Variants in STAG2 observed in about 807,000 individuals in gnomAD.
The protein encoded by STAG2 is cohesin subunit SA-2.
STAG2 carries 14 observed loss-of-function variants against 108.1 expected under a neutral mutation model. That is an observed-to-expected ratio of 0.13 (90% CI 0.09 to 0.20). STAG2 has a LOEUF of 0.20. STAG2 is among the 10% of genes least tolerant of loss of function. The pLI is 1.00. For missense variants in STAG2, 440 were observed against 940.9 expected, an observed-to-expected ratio of 0.47 and a Z score of 6.96; for synonymous variants, 307 against 302.7, an observed-to-expected ratio of 1.01 and a Z score of -0.15.
At chrX:124,077,842 A>G (rs1199823497) in intron 26 of STAG2, 115 bp from the exon 27 acceptor site, 12 of 405,292 alleles carry the variant, frequency 3.0e-5, no homozygotes, top group Non-Finnish European at 5.0e-5. Flanking sequence ...CTTTGAAGGC[A>G]TAATTTTGGC....
intron 1 of STAG2, among the ~76,000 whole-genome samples, chrX:123,986,113 GTATC>G (rs1400079946): frequency 6.7e-5 from 7 of 104,165 alleles, no homozygotes; most frequent in Non-Finnish European, 1.9e-5. Flanking sequence ...ATATATGCAT[GTATC>G]TATATATACA....
chrX:123,963,869 T>C (rs2053979351), intron 1 of STAG2, among the ~76,000 whole-genome samples: 1 of 111,992 alleles, frequency 8.9e-6, no homozygotes, highest in Non-Finnish European at 1.9e-5. Flanking sequence ...GGATTTTGAC[T>C]TAACATGCTA....
rs1011440154 is a variant in STAG2 at position 124,010,399 on chromosome X, C to T, written c.-162-10968C>T. On this transcript the variant is annotated intron_variant, in intron 1 of 34. Coordinates refer to ENST00000371145, the MANE Select transcript of STAG2 (RefSeq NM_001042750.2). ...TGGTATTTGTCTTTTTTGTGACTAGCTTATTTCAGTTAGCATAATGCCCTT... is the reference window on the plus strand; with the variant it reads ...TGGTATTTGTCTTTTTTGTGACTAGTTTATTTCAGTTAGCATAATGCCCTT... 1.1e-4 allele frequency among the ~76,000 whole-genome samples: 12 copies of T among 111,694 alleles called. No individual in the cohort carries two copies. The South Asian group carries it at 1.5e-3, about 14-fold the overall frequency.
intron 19 of STAG2, among the ~76,000 whole-genome samples, 188 bp from the exon 20 acceptor site, chrX:124,063,660 A>T (rs911207298): frequency 1.3e-4 from 14 of 111,830 alleles, no homozygotes; most frequent in Non-Finnish European, 2.6e-4. Flanking sequence ...TCTCCCTTAA[A>T]GTTGAGGAAA....
Position 124,000,930 on chromosome X carries a change from A to T in STAG2, c.-162-20437A>T, listed in dbSNP as rs1263952699. 4.5e-5 allele frequency among the ~76,000 whole-genome samples: 5 copies of T among 111,906 alleles called. No individual in the cohort carries two copies. In the East Asian group the frequency reaches 1.4e-3, roughly 31 times the overall value. ...TGAAAACAAAACAAATAAAAATTTT[A>T]AAAATAGAAAACTTACAGAATAAGA... On this transcript the variant is annotated intron_variant, in intron 1 of 34. Transcript: ENST00000371145.
In STAG2 at chrX:124,072,450, C is replaced by G. The variant is rs746245750; in HGVS notation, c.2533+1127C>G. ...TTAACCTCAACACAAATGAGAAACC[C>G]AGAGTAGCCAAAACAGTTGTCAGAA... On this transcript the variant is annotated intron_variant, in intron 25 of 34. Coordinates refer to ENST00000371145, the MANE Select transcript of STAG2 (RefSeq NM_001042750.2). Among the ~76,000 whole-genome samples the G allele has an allele frequency of 2.0e-4, 22 of 111,342 alleles. No individual in the cohort carries two copies. In the South Asian group the frequency reaches 8.3e-3, roughly 42 times the overall value.
chrX:124,099,979 G>A (rs991041021), intron 34 of STAG2, among the ~76,000 whole-genome samples: 2 of 111,494 alleles, frequency 1.8e-5, no homozygotes, highest in Non-Finnish European at 3.8e-5. Context: ...AAGCATCAAT[G>A]TAAGTCATTT....
At chrX:124,051,096 C>T (rs2058024316) in intron 11 of STAG2, 25 bp from the exon 12 acceptor site, 2 of 762,342 alleles carry the variant, frequency 2.6e-6, no homozygotes, top group East Asian at 3.4e-5. Context: ...TGCATTGTCT[C>T]ATCTTTTTTT....
chrX:123,965,419 A>G (rs1345928448), intron 1 of STAG2, among the ~76,000 whole-genome samples: 1 of 111,712 alleles, frequency 9.0e-6, no homozygotes, highest in African/African-American at 3.3e-5. Context: ...TTCTTTTTCA[A>G]CTGTATTGAC....
rs140238058 is a variant in STAG2 at position 124,037,573 on chromosome X, T to C, written c.335T>C (p.Ile112Thr). The C allele has an allele frequency of 3.7e-5, 44 of 1,189,707 alleles. No individual in the cohort carries two copies. Among genetic ancestry groups the C allele is most frequent in the East Asian group, 3.1e-5 (1 of 32,672 alleles). Residue 112 changes from isoleucine (I) to threonine (T), a missense_variant, in exon 6 of 35, where the codon ATA becomes ACA. Ile to Thr is a moderately conservative substitution (Grantham distance 89). This residue lies in a region of STAG2 where 69 missense variants were observed against 254.9 expected (regional missense o/e 0.27). Coordinates refer to ENST00000371145, the MANE Select transcript of STAG2 (RefSeq NM_001042750.2). ...GAATCATACAAGCATGACCGAGATA[T>C]AGCACTTCTTGACCTTATCAACTTT... ...WIESYKHDRD[I>T]ALLDLINFFI...
At chrX:123,971,747 G>T (rs1416541495) in intron 1 of STAG2, among the ~76,000 whole-genome samples, 1 of 111,522 alleles carries the variant, frequency 9.0e-6, no homozygotes, top group Non-Finnish European at 1.9e-5. Context: ...TATTATTCAG[G>T]TTCCCTTTAC....
intron 1 of STAG2, among the ~76,000 whole-genome samples, chrX:124,013,870 A>G (rs2056610069): frequency 2.7e-5 from 3 of 111,372 alleles, no homozygotes; most frequent in Non-Finnish European, 5.7e-5. Flanking sequence ...ACTGAGCACA[A>G]GTTGGCTCTG....
intron 6 of STAG2, among the ~76,000 whole-genome samples, chrX:124,042,244 T>C (rs752370149): frequency 2.9e-4 from 32 of 110,979 alleles, no homozygotes; most frequent in Non-Finnish European, 5.7e-4. Context: ...TAACATATGG[T>C]TTATGTTAAA....
At chrX:124,050,343 A>G in intron 11 of STAG2, 34 bp downstream of exon 11, 1 of 1,174,213 alleles carries the variant, frequency 8.5e-7, no homozygotes, top group Non-Finnish European at 1.1e-6. Flanking sequence ...TTCTTTCTAC[A>G]CATCGGCGTG....
At chrX:124,061,533 G>A (rs190871060) in intron 16 of STAG2, among the ~76,000 whole-genome samples, 192 bp downstream of exon 16, 1 of 110,670 alleles carries the variant, frequency 9.0e-6, no homozygotes, top group East Asian at 2.8e-4. Flanking sequence ...TTATTTTTTT[G>A]TATCTGGGTT....
intron 1 of STAG2, among the ~76,000 whole-genome samples, chrX:124,007,865 C>A (rs2147891077): frequency 8.9e-6 from 1 of 112,175 alleles, no homozygotes; most frequent in Admixed American, 9.5e-5. Flanking sequence ...GCTACACTGA[C>A]TTCCACATTA....
intron 15 of STAG2, among the ~76,000 whole-genome samples, chrX:124,060,201 T>C (rs2058340010): frequency 9.0e-6 from 1 of 111,126 alleles, no homozygotes; most frequent in Non-Finnish European, 1.9e-5. Context: ...TGATCTCGGC[T>C]CACTGCCAAT....
intron 24 of STAG2, among the ~76,000 whole-genome samples, chrX:124,069,295 G>A (rs2058611144): frequency 8.9e-6 from 1 of 112,002 alleles, no homozygotes; most frequent in African/African-American, 3.2e-5. Context: ...GCTTTTATGG[G>A]AAGATGTTTT....
At chrX:123,970,678 A>G (rs2054315036) in intron 1 of STAG2, among the ~76,000 whole-genome samples, 1 of 111,916 alleles carries the variant, frequency 8.9e-6, no homozygotes, top group African/African-American at 3.2e-5. Context: ...GGGACATTAA[A>G]TGCATCATTT....
Sources: allele counts gnomAD v4.1 joint callset (sites outside exome capture counted in the v4.1 genomes callset), GRCh38; gene constraint gnomAD v4.1.1; regional missense constraint gnomAD v4.1.1; transcripts MANE v1.5; gene names NCBI Gene and HGNC (gene_info 2026-07-23, HGNC 2026-07-21).